The following MYEF2 variants were observed in gnomAD, a reference collection of about 807,000 sequenced individuals.
MYEF2 encodes the protein myelin expression factor 2, also known as myelin gene expression factor 2.
A neutral mutation model predicts 75.2 loss-of-function variants in MYEF2; 37 were observed. The ratio of observed to expected loss-of-function variants is 0.49; its 90% CI spans 0.38 to 0.65. MYEF2 has a LOEUF of 0.65. Ranked by LOEUF, MYEF2 falls within the 30% of genes least tolerant of loss-of-function variation. The probability of loss-of-function intolerance (pLI) is 0.00; values close to 1 mark genes in which losing one functional copy is unlikely to be tolerated. For missense variants in MYEF2, 634 were observed against 771.4 expected, an observed-to-expected ratio of 0.82 and a Z score of 2.11; for synonymous variants, 195 against 241.6, an observed-to-expected ratio of 0.81 and a Z score of 1.79.
chr15:48,168,814 C>T lies in MYEF2; in HGVS notation c.187G>A (p.Glu63Lys). ...GATTTTTCCTTTAAGTCAGATTTCT[C>T]TTCTTTTGCTGATTCATCATTCTCC... is the stretch of plus-strand genomic sequence containing the variant. ...KMENDESAKEEKSDLKEKSTG... is the reference protein window; with the variant it reads ...KMENDESAKEKKSDLKEKSTG... Residue 63 changes from glutamate (E) to lysine (K), a missense_variant, in exon 2 of 17, where the codon GAG becomes AAG. By Grantham distance (56) the Glu-to-Lys change is moderately conservative. Transcript: ENST00000324324. 6.2e-7 allele frequency: 1 copy of T among 1,612,828 alleles called. No homozygotes were observed. Among genetic ancestry groups the T allele is most frequent in the South Asian group, 1.1e-5 (1 of 90,944 alleles).
chr15:48,172,361 T>C (rs575068447), intron 1 of MYEF2, among the ~76,000 whole-genome samples: 2 of 149,092 alleles, frequency 1.3e-5, no homozygotes, highest in Admixed American at 6.7e-5. Flanking sequence ...GATCACACCA[T>C]TGCACATTTT....
chr15:48,155,703 A>AC (rs900037140), intron 9 of MYEF2, among the ~76,000 whole-genome samples: 2 of 151,144 alleles, frequency 1.3e-5, no homozygotes, highest in East Asian at 1.9e-4. Flanking sequence ...AAAAAAAAAA[A>AC]CTCATACATT....
chr15:48,166,220 T>A, intron 3 of MYEF2, 92 bp from the exon 4 acceptor site: 1 of 1,002,400 alleles, frequency 1.0e-6, no homozygotes, highest in Non-Finnish European at 1.5e-6. Context: ...ATTTCAATCA[T>A]TAAGGCAATT....
Position 48,138,851 on chromosome 15 carries a change from A to C in MYEF2, c.*4057T>G, listed in dbSNP as rs1179506315. The C allele has an allele frequency of 1.3e-6, 1 of 747,034 alleles. No individual in the cohort carries two copies. Among genetic ancestry groups the C allele is most frequent in the Non-Finnish European group, 2.2e-6 (1 of 457,626 alleles). 46.3% of individuals were successfully genotyped at this position (747,034 alleles called of 1,614,324 possible). A position where few individuals can be genotyped will look rare whatever the true frequency, so the allele number is the denominator to read the frequency against. Reference sequence around the variant, plus strand: ...CAGTAATGAGGTACTCAAATGTTTTAAACAGCCTTTTAAAAACTGATACAG... The same window carrying C: ...CAGTAATGAGGTACTCAAATGTTTTCAACAGCCTTTTAAAAACTGATACAG... On this transcript the variant is annotated 3_prime_UTR_variant, in exon 17 of 17. Transcript: ENST00000324324.
chr15:48,174,807 G>A (rs1597364492), intron 1 of MYEF2, among the ~76,000 whole-genome samples: 2 of 152,100 alleles, frequency 1.3e-5, no homozygotes, highest in East Asian at 1.9e-4. Flanking sequence ...TGCTGAGGAC[G>A]TGGAGAAAGA....
chr15:48,178,286 G>A lies in MYEF2; in HGVS notation c.-49C>T. Reference sequence around the variant, plus strand: ...GGCCGCCTGAGCTGAGGGGCTCCGAGCGCGACAATGGCGGCTGCCGGGGAA... The same window carrying A: ...GGCCGCCTGAGCTGAGGGGCTCCGAACGCGACAATGGCGGCTGCCGGGGAA... On this transcript the variant is annotated 5_prime_UTR_variant, in exon 1 of 17. Coordinates refer to ENST00000324324, the MANE Select transcript of MYEF2 (RefSeq NM_016132.5). The A allele has an allele frequency of 7.4e-7, 1 of 1,358,460 alleles. No individual in the cohort carries two copies. Among genetic ancestry groups the A allele is most frequent in the Non-Finnish European group, 9.4e-7 (1 of 1,059,606 alleles). 84.2% of individuals were successfully genotyped at this position (1,358,460 alleles called of 1,614,324 possible). A position where few individuals can be genotyped will look rare whatever the true frequency, so the allele number is the denominator to read the frequency against.
intron 1 of MYEF2, chr15:48,169,902 A>G (rs2040264447): frequency 2.0e-5 from 3 of 151,668 alleles, no homozygotes; most frequent in Admixed American, 2.0e-4. Context: ...GCCAAACCTG[A>G]TTTTTAATGA....
At chr15:48,173,279 T>C (rs936857874) in intron 1 of MYEF2, among the ~76,000 whole-genome samples, 1 of 152,122 alleles carries the variant, frequency 6.6e-6, no homozygotes, top group East Asian at 1.9e-4. Flanking sequence ...GAAAAAGCAT[T>C]TGACAAAACT....
At chr15:48,168,893 A>T (rs1047913868) in intron 1 of MYEF2, 54 bp from the exon 2 acceptor site, 1 of 1,319,934 alleles carries the variant, frequency 7.6e-7, no homozygotes, top group Non-Finnish European at 1.1e-6. Flanking sequence ...GCTTATAAGA[A>T]TGGAAGTCTA....
chr15:48,167,235 T>A, intron 3 of MYEF2, 114 bp downstream of exon 3: 3 of 1,042,992 alleles, frequency 2.9e-6, no homozygotes, highest in Non-Finnish European at 4.3e-6. Flanking sequence ...TCTTGCATAA[T>A]AAAGTAAAAC....
chr15:48,139,321 T>C lies in MYEF2; in HGVS notation c.*3587A>G. 1 of 606,516 alleles carries C rather than the reference T, an allele frequency of 1.6e-6. No homozygotes were observed. Among genetic ancestry groups the C allele is most frequent in the Non-Finnish European group, 2.9e-6 (1 of 350,844 alleles). The allele number at this position is 606,516 out of a possible 1,614,324, so 37.6% of individuals were successfully genotyped here. On this transcript the variant is annotated 3_prime_UTR_variant, in exon 17 of 17. Transcript: ENST00000324324. ...TACCATTTACAAAATGATTAAGTATTACTATAACAAGATCACTGGAGTTTG... is the reference window on the plus strand; with the variant it reads ...TACCATTTACAAAATGATTAAGTATCACTATAACAAGATCACTGGAGTTTG...
At chr15:48,146,232 G>A (rs2039278814) in intron 16 of MYEF2, among the ~76,000 whole-genome samples, 1 of 151,770 alleles carries the variant, frequency 6.6e-6, no homozygotes, top group South Asian at 2.1e-4. Context: ...AAATGATGTG[G>A]GGTCCAATAC....
At chr15:48,174,126 T>C (rs530845366) in intron 1 of MYEF2, among the ~76,000 whole-genome samples, 2 of 152,106 alleles carry the variant, frequency 1.3e-5, no homozygotes, top group East Asian at 3.9e-4. Context: ...AATATGGTAC[T>C]GGTACAAAAA....
intron 14 of MYEF2, among the ~76,000 whole-genome samples, chr15:48,150,877 T>C (rs976319750): frequency 1.3e-5 from 2 of 152,210 alleles, no homozygotes; most frequent in East Asian, 1.9e-4. Context: ...TGTTAACACA[T>C]AGTTTAGAAA....
Position 48,143,048 on chromosome 15 carries a change from T to C in MYEF2, c.1663A>G (p.Lys555Glu). ...QCGHVMFAEI[K>E]MENGKSKGCG... Reference sequence around the variant, plus strand: ...CCTTTTGACTTTCCATTCTCCATTTTTATTTCTGCAAACATTACATGACCT... The same window carrying C: ...CCTTTTGACTTTCCATTCTCCATTTCTATTTCTGCAAACATTACATGACCT... The change falls in exon 17 of 17, where the codon AAA (lysine) becomes GAA (glutamate). Residue 555 changes from lysine (K) to glutamate (E), a missense_variant. Lys to Glu is a moderately conservative substitution (Grantham distance 56). Transcript: ENST00000324324. 1 of 1,574,630 alleles carries C rather than the reference T, an allele frequency of 6.4e-7. No homozygotes were observed. The highest frequency in any genetic ancestry group is 8.6e-7 in the Non-Finnish European group (1 of 1,164,060).
At chr15:48,165,839 G>A in intron 5 of MYEF2, 94 bp downstream of exon 5, 1 of 882,454 alleles carries the variant, frequency 1.1e-6, no homozygotes, top group Non-Finnish European at 1.7e-6. Context: ...TTAAAAAAAA[G>A]TTGTAGTCAG....
chr15:48,154,987 T>G (rs1159618284), intron 9 of MYEF2, among the ~76,000 whole-genome samples: 2 of 152,014 alleles, frequency 1.3e-5, no homozygotes, highest in African/African-American at 4.8e-5. Flanking sequence ...CACAGAAATA[T>G]TAAAATATCC....
In MYEF2 at chr15:48,178,147, G is replaced by A; in HGVS notation, c.91C>T (p.Arg31Ter). 1.9e-6 allele frequency: 3 copies of A among 1,569,832 alleles called. No individual in the cohort carries two copies. The highest frequency in any genetic ancestry group is 2.6e-6 in the Non-Finnish European group (3 of 1,158,770). ...TCCGCCTCCGCGGGGTGCGGCTCTC[G>A]CCGCGGCTCGCCCGGCGGCTCTGCG... The part of the protein sequence containing the change: ...QPAEPPGEPR[R>*]EPHPAEAEKQ... Residue 31 changes from arginine (R) to a stop codon, truncating the protein, a stop_gained, in exon 1 of 17, where the codon CGA (arginine) becomes TGA (stop). Transcript: ENST00000324324. LOFTEE classifies it high-confidence loss of function.
chr15:48,156,507 C>T (rs2039702534), intron 9 of MYEF2, among the ~76,000 whole-genome samples: 1 of 149,638 alleles, frequency 6.7e-6, no homozygotes, highest in African/African-American at 2.5e-5. Context: ...CAAAAATTGA[C>T]TCAAAAAAAA....
Sources: allele counts gnomAD v4.1 joint callset (sites outside exome capture counted in the v4.1 genomes callset), GRCh38; gene constraint gnomAD v4.1.1; transcripts MANE v1.5; gene names NCBI Gene and HGNC (gene_info 2026-07-23, HGNC 2026-07-21).